RBFOX1: variants seen among roughly 807,000 people sequenced by gnomAD.
The protein encoded by RBFOX1 is RNA binding fox-1 homolog 1, also known as RNA binding protein fox-1 homolog 1.
RBFOX1 carries 8 observed loss-of-function variants against 57.7 expected under a neutral mutation model. That is an observed-to-expected ratio of 0.14 (90% CI 0.08 to 0.25). The LOEUF (loss-of-function observed/expected upper bound fraction) is 0.25, where lower values mean the gene tolerates loss of function less well. RBFOX1 is among the 10% of genes least tolerant of loss of function. The probability of loss-of-function intolerance (pLI) is 1.00; values close to 1 mark genes in which losing one functional copy is unlikely to be tolerated. For synonymous variants in RBFOX1, 326 were observed against 222.4 expected (o/e 1.47, Z -4.15); for missense variants, 611 against 548.5 (o/e 1.11, Z -1.14).
At chr16:6,869,541 G>C (rs1427681351) in intron 3 of RBFOX1, among the ~76,000 whole-genome samples, 1 of 151,112 alleles carries the variant, frequency 6.6e-6, no homozygotes, top group African/African-American at 2.4e-5. Flanking sequence ...AATCCTTTTT[G>C]TTCATAAAAG....
chr16:6,069,291 G>A (rs934426605), intron 1 of RBFOX1, among the ~76,000 whole-genome samples: 1 of 151,792 alleles, frequency 6.6e-6, no homozygotes, highest in African/African-American at 2.4e-5. Flanking sequence ...CCAACTACTC[G>A]GGAGGCTGAG....
At chr16:5,736,510 A>C (rs917728931) in intron 3 of RBFOX1, among the ~76,000 whole-genome samples, 1 of 151,894 alleles carries the variant, frequency 6.6e-6, no homozygotes, top group Non-Finnish European at 1.5e-5. Flanking sequence ...CAGTGAGAGG[A>C]GGGCTCGCCA....
chr16:7,054,798 G>C (rs771159405), intron 4 of RBFOX1, among the ~76,000 whole-genome samples: 2 of 152,146 alleles, frequency 1.3e-5, no homozygotes, highest in African/African-American at 4.8e-5. Context: ...GACTGTGGCC[G>C]TGTTATCATG....
intron 4 of RBFOX1, among the ~76,000 whole-genome samples, chr16:7,124,871 G>A (rs1567352924): frequency 1.3e-5 from 2 of 151,886 alleles, no homozygotes; most frequent in South Asian, 4.2e-4. Context: ...GTGTATTCCT[G>A]ACAAATAAAT....
chr16:6,497,515 G>A (rs2095803063), intron 2 of RBFOX1, among the ~76,000 whole-genome samples: 2 of 151,794 alleles, frequency 1.3e-5, no homozygotes, highest in South Asian at 4.2e-4. Flanking sequence ...AAGGACATGT[G>A]GAATAACCTC....
At chr16:5,533,219 T>G (rs969180363) in intron 2 of RBFOX1, among the ~76,000 whole-genome samples, 1 of 152,206 alleles carries the variant, frequency 6.6e-6, no homozygotes, top group Admixed American at 6.5e-5. Context: ...CTGCGGACTT[T>G]TGGAATTTGT....
intron 2 of RBFOX1, among the ~76,000 whole-genome samples, chr16:6,551,867 A>C (rs1247257814): frequency 6.6e-6 from 1 of 152,182 alleles, no homozygotes; most frequent in Non-Finnish European, 1.5e-5. Flanking sequence ...TGCGTTGGTC[A>C]TTTCAGAGTG....
At chr16:5,343,491 T>G (rs372151877) in intron 1 of RBFOX1, among the ~76,000 whole-genome samples, 1,622 of 150,708 alleles carry the variant, frequency 0.011, 30 homozygotes, top group African/African-American at 0.037. Flanking sequence ...ATTTTTTTTT[T>G]TGTGTATTTT....
At position 6,429,186 on chromosome 16, in the gene RBFOX1, A is replaced by G. The variant is rs77075754; in HGVS notation, c.-64+112129A>G. Among the ~76,000 whole-genome samples, 950 of 152,338 alleles carry G rather than the reference A, an allele frequency of 6.2e-3. 36 individuals are homozygous for G. In the East Asian group the frequency reaches 0.13, roughly 21 times the overall value. ...TGGTGCTGGATTTTAATTATCATCA[A>G]GCAAGTTCCAAATGTTTGAAATGTG... On this transcript the variant is annotated intron_variant, in intron 2 of 15. Transcript: ENST00000550418.
intron 4 of RBFOX1, among the ~76,000 whole-genome samples, chr16:7,054,551 G>GGGGGGC (rs1188377939): frequency 1.4e-5 from 2 of 144,242 alleles, no homozygotes; most frequent in Non-Finnish European, 3.0e-5. Context: ...TGGGTGGGGG[G>GGGGGGC]GCATTTTTTA....
intron 4 of RBFOX1, among the ~76,000 whole-genome samples, chr16:7,292,531 T>TATAC (rs145886457): frequency 7.2e-6 from 1 of 139,062 alleles, no homozygotes; most frequent in Non-Finnish European, 1.5e-5. Context: ...ACTATATGTA[T>TATAC]ACACACACAC....
At chr16:7,336,365 C>T (rs996101041) in intron 4 of RBFOX1, among the ~76,000 whole-genome samples, 1 of 152,266 alleles carries the variant, frequency 6.6e-6, no homozygotes. Context: ...TTGGGCCATA[C>T]ATGGCCAAGT....
intron 3 of RBFOX1, among the ~76,000 whole-genome samples, chr16:5,826,434 T>A (rs1176872557): frequency 6.6e-6 from 1 of 152,182 alleles, no homozygotes; most frequent in Non-Finnish European, 1.5e-5. Flanking sequence ...GGCAAACTAT[T>A]TCTGAAAAAG....
chr16:5,252,390 G>C (rs2062474649), intron 1 of RBFOX1, among the ~76,000 whole-genome samples: 2 of 152,160 alleles, frequency 1.3e-5, no homozygotes, highest in African/African-American at 4.8e-5. Flanking sequence ...ATGATTTGTT[G>C]TTTATCTGCA....
At chr16:5,348,538 A>G (rs1031310117) in intron 1 of RBFOX1, among the ~76,000 whole-genome samples, 1 of 152,210 alleles carries the variant, frequency 6.6e-6, no homozygotes. Flanking sequence ...GAAGTGGAGG[A>G]GCCTGGGTTC....
Position 6,692,959 on chromosome 16 carries a change from C to G in RBFOX1, c.-16+38309C>G, listed in dbSNP as rs144906164. Among the ~76,000 whole-genome samples, 710 of 151,942 alleles carry G rather than the reference C, an allele frequency of 4.7e-3. 7 individuals are homozygous for G. The highest frequency in any genetic ancestry group is 0.016 in the African/African-American group (652 of 41,442). Reference sequence around the variant, plus strand: ...TTATTATCAACATCATCCCCATCCACTACCATCACCGGCATCATTATCACC... The same window carrying G: ...TTATTATCAACATCATCCCCATCCAGTACCATCACCGGCATCATTATCACC... On this transcript the variant is annotated intron_variant, in intron 3 of 15. Coordinates refer to ENST00000550418, the MANE Select transcript of RBFOX1 (RefSeq NM_018723.4).
At chr16:5,334,243 A>G (rs1453961673) in intron 1 of RBFOX1, among the ~76,000 whole-genome samples, 1 of 152,158 alleles carries the variant, frequency 6.6e-6, no homozygotes, top group African/African-American at 2.4e-5. Flanking sequence ...CAGGGCTGGT[A>G]TGTCTCTGCT....
intron 3 of RBFOX1, among the ~76,000 whole-genome samples, chr16:7,031,984 G>A (rs140163829): frequency 0.016 from 2,445 of 152,244 alleles, 71 homozygotes; most frequent in African/African-American, 0.056. Flanking sequence ...ATTTGTTACT[G>A]AAGTTAGTAT....
At chr16:5,266,215 C>G (rs1223758191) in intron 1 of RBFOX1, among the ~76,000 whole-genome samples, 1 of 152,100 alleles carries the variant, frequency 6.6e-6, no homozygotes, top group Non-Finnish European at 1.5e-5. Context: ...CATTTTGGCT[C>G]AGCAGTTTCT....
Sources: gnomAD v4.1 joint callset for allele counts (sites outside exome capture counted in the v4.1 genomes callset) on GRCh38, gnomAD v4.1.1 for gene constraint, MANE v1.5 for transcripts, NCBI Gene and HGNC (gene_info 2026-07-23, HGNC 2026-07-21) for gene names.